Variants in LSAMP observed in about 807,000 individuals in gnomAD.
LSAMP encodes limbic system associated membrane protein.
LSAMP carries 7 observed loss-of-function variants against 38.6 expected under a neutral mutation model. That is an observed-to-expected ratio of 0.18 (90% confidence interval 0.10 to 0.34). The LOEUF is 0.34. Ranked by LOEUF, LSAMP falls within the 10% of genes least tolerant of loss-of-function variation. The probability of loss-of-function intolerance (pLI) is 1.00; values close to 1 mark genes in which losing one functional copy is unlikely to be tolerated. For missense variants in LSAMP, 313 were observed against 420.0 expected (o/e 0.75, Z 2.23); for synonymous variants, 154 against 166.8 (o/e 0.92, Z 0.59).
chr3:116,030,107 T>A (rs1310133550), intron 2 of LSAMP, among the ~76,000 whole-genome samples: 1 of 152,176 alleles, frequency 6.6e-6, no homozygotes, highest in Non-Finnish European at 1.5e-5. Flanking sequence ...GTAGCGTGGA[T>A]ATCTGCAAAC....
chr3:116,073,645 C>T (rs551260186), intron 2 of LSAMP, among the ~76,000 whole-genome samples: 2 of 152,210 alleles, frequency 1.3e-5, no homozygotes, highest in African/African-American at 2.4e-5. Context: ...TGTTGGAATG[C>T]TAGTGACTTT....
intron 3 of LSAMP, among the ~76,000 whole-genome samples, chr3:115,864,788 T>A (rs1935811606): frequency 6.6e-6 from 1 of 152,132 alleles, no homozygotes; most frequent in African/African-American, 2.4e-5. Context: ...CATGGAGAAT[T>A]TTCATGGATA....
At chr3:116,374,607 T>C (rs1162734631) in intron 1 of LSAMP, among the ~76,000 whole-genome samples, 1 of 151,958 alleles carries the variant, frequency 6.6e-6, no homozygotes, top group Non-Finnish European at 1.5e-5. Flanking sequence ...TGTGTTTTAT[T>C]ATCTCTGAAT....
chr3:116,301,537 C>T (rs576934796), intron 1 of LSAMP, among the ~76,000 whole-genome samples: 34 of 152,202 alleles, frequency 2.2e-4, no homozygotes, highest in African/African-American at 7.2e-4. Flanking sequence ...CAAGACTATA[C>T]ATCTTTCCCA....
intron 3 of LSAMP, among the ~76,000 whole-genome samples, chr3:115,927,814 A>T (rs959994318): frequency 1.8e-4 from 27 of 152,238 alleles, no homozygotes; most frequent in Admixed American, 1.8e-3. Context: ...TCTTTGCTCA[A>T]ATCTCACCCT....
intron 1 of LSAMP, among the ~76,000 whole-genome samples, chr3:116,305,652 C>G (rs1358655827): frequency 6.6e-6 from 1 of 151,948 alleles, no homozygotes; most frequent in Non-Finnish European, 1.5e-5. Context: ...AAAAAAATTT[C>G]TTAATTCTAC....
chr3:116,271,259 T>C (rs910689737), intron 1 of LSAMP, among the ~76,000 whole-genome samples: 2 of 152,032 alleles, frequency 1.3e-5, no homozygotes, highest in African/African-American at 4.8e-5. Flanking sequence ...AATAACTGTC[T>C]GGTAAATAAG....
At chr3:115,965,539 C>A (rs888466443) in intron 3 of LSAMP, among the ~76,000 whole-genome samples, 1 of 149,986 alleles carries the variant, frequency 6.7e-6, no homozygotes, top group Non-Finnish European at 1.5e-5. Context: ...CAAAATATCT[C>A]TTTTCATCAA....
rs1319971043 is a variant in LSAMP at position 115,953,402 on chromosome 3, CGT to C, written c.514+66111_514+66112del. 1.6e-4 allele frequency among the ~76,000 whole-genome samples: 16 copies of C among 98,410 alleles called. 1 individual carries two copies. Among genetic ancestry groups the C allele is most frequent in the South Asian group, 8.8e-4 (2 of 2,284 alleles). The allele number at this position is 98,410 out of a possible 152,430, so 64.6% of individuals were successfully genotyped here. A position where few individuals can be genotyped will look rare whatever the true frequency, so the allele number is the denominator to read the frequency against. On this transcript the variant is annotated intron_variant, in intron 3 of 6. Coordinates refer to ENST00000490035, the MANE Select transcript of LSAMP (RefSeq NM_002338.5). ...ATGGGATGAAACAAAATGTAGTGTG[CGT>C]ACACACACACACACACACACACACA...
chr3:116,242,060 C>T (rs2046543651), intron 1 of LSAMP, among the ~76,000 whole-genome samples: 1 of 152,168 alleles, frequency 6.6e-6, no homozygotes, highest in Non-Finnish European at 1.5e-5. Flanking sequence ...CTCAAGTATT[C>T]CGACTGCACA....
chr3:116,348,767 T>C (rs1053390279), intron 1 of LSAMP, among the ~76,000 whole-genome samples: 2 of 152,170 alleles, frequency 1.3e-5, no homozygotes, highest in East Asian at 1.9e-4. Flanking sequence ...TAAAATGAGA[T>C]GATAATATCA....
At chr3:116,249,720 A>T (rs1334448993) in intron 1 of LSAMP, among the ~76,000 whole-genome samples, 1 of 151,622 alleles carries the variant, frequency 6.6e-6, no homozygotes, top group Non-Finnish European at 1.5e-5. Flanking sequence ...TGGGTACCGT[A>T]TATCCAAGAG....
intron 1 of LSAMP, among the ~76,000 whole-genome samples, chr3:116,225,211 C>T (rs1008521080): frequency 2.0e-4 from 30 of 152,232 alleles, no homozygotes; most frequent in African/African-American, 3.4e-4. Flanking sequence ...AATCTTGAGA[C>T]GAGATCATCT....
chr3:116,108,703 G>C (rs997781443), intron 1 of LSAMP, among the ~76,000 whole-genome samples: 18 of 152,328 alleles, frequency 1.2e-4, no homozygotes, highest in South Asian at 4.1e-4. Flanking sequence ...GTCCCGCAGA[G>C]ATGGGACGTG....
chr3:115,932,713 A>G (rs1937600022), intron 3 of LSAMP, among the ~76,000 whole-genome samples: 1 of 152,078 alleles, frequency 6.6e-6, no homozygotes, highest in Admixed American at 6.6e-5. Flanking sequence ...TTCTTTTTTT[A>G]CTAGTCTTTT....
intron 3 of LSAMP, among the ~76,000 whole-genome samples, chr3:116,001,108 A>G (rs1355834455): frequency 6.6e-6 from 1 of 152,152 alleles, no homozygotes; most frequent in Non-Finnish European, 1.5e-5. Context: ...TCAATGGTAC[A>G]ATGATAATTG....
intron 6 of LSAMP, among the ~76,000 whole-genome samples, chr3:115,817,483 C>T (rs967239581): frequency 4.6e-5 from 7 of 152,188 alleles, no homozygotes; most frequent in South Asian, 2.1e-4. Flanking sequence ...GTCTCAGGGT[C>T]GGAAGAGCTC....
chr3:116,024,486 G>T (rs1940731253), intron 2 of LSAMP, among the ~76,000 whole-genome samples: 1 of 152,120 alleles, frequency 6.6e-6, no homozygotes, highest in Non-Finnish European at 1.5e-5. Flanking sequence ...TAACCATGAG[G>T]CAGAGGAGTG....
At chr3:116,214,197 T>C (rs964485466) in intron 1 of LSAMP, among the ~76,000 whole-genome samples, 6 of 152,218 alleles carry the variant, frequency 3.9e-5, no homozygotes, top group African/African-American at 1.2e-4. Flanking sequence ...GCTAAACTTT[T>C]AATGGAATTT....
Sources: gnomAD v4.1 joint callset for allele counts (sites outside exome capture counted in the v4.1 genomes callset) on GRCh38, gnomAD v4.1.1 for gene constraint, MANE v1.5 for transcripts, NCBI Gene and HGNC (gene_info 2026-07-23, HGNC 2026-07-21) for gene names.